The following PPP1R13B variants were observed in gnomAD, a reference collection of about 807,000 sequenced individuals.
PPP1R13B encodes the protein apoptosis-stimulating of p53 protein 1.
A neutral mutation model predicts 119.8 loss-of-function variants in PPP1R13B; 44 were observed. That is an observed-to-expected ratio of 0.37 (90% CI 0.29 to 0.47). The LOEUF (loss-of-function observed/expected upper bound fraction) is 0.47. Among genes scored for constraint, PPP1R13B ranks in the 20% least tolerant of loss-of-function variants. The pLI is 0.99. For synonymous variants in PPP1R13B, 542 were observed against 561.5 expected, an observed-to-expected ratio of 0.97 and a Z score of 0.49; for missense variants, 1,227 against 1,413.5, an observed-to-expected ratio of 0.87 and a Z score of 2.12.
chr14:103,815,100 G>T (rs781530439), intron 1 of PPP1R13B, among the ~76,000 whole-genome samples: 13 of 152,148 alleles, frequency 8.5e-5, no homozygotes, highest in Non-Finnish European at 1.6e-4. Context: ...AATATTATTT[G>T]ACCATAAAAA....
At chr14:103,831,871 G>C (rs1288796695) in intron 1 of PPP1R13B, among the ~76,000 whole-genome samples, 1 of 152,002 alleles carries the variant, frequency 6.6e-6, no homozygotes, top group Non-Finnish European at 1.5e-5. Context: ...GGGAGGCGGA[G>C]GTTGCAGTGA....
chr14:103,835,054 TAAG>T (rs938503692), intron 1 of PPP1R13B, among the ~76,000 whole-genome samples: 8 of 152,352 alleles, frequency 5.3e-5, no homozygotes, highest in South Asian at 2.1e-4. Context: ...TCTTGTTTGC[TAAG>T]AAGAAGCCTC....
At chr14:103,847,112 C>G in intron 1 of PPP1R13B, 187 bp downstream of exon 1, 2 of 984,882 alleles carry the variant, frequency 2.0e-6, no homozygotes, top group Non-Finnish European at 2.4e-6. Context: ...CCCGCGCTGA[C>G]AGCCCGGCGC....
chr14:103,785,416 C>T (rs2085437898), intron 2 of PPP1R13B, among the ~76,000 whole-genome samples: 1 of 152,048 alleles, frequency 6.6e-6, no homozygotes, highest in Non-Finnish European at 1.5e-5. Flanking sequence ...GAGGGTTTCA[C>T]CATGTTAGCC....
At position 103,734,417 on chromosome 14, in the gene PPP1R13B, C is replaced by A; in HGVS notation, c.*737G>T. The A allele has an allele frequency of 2.3e-6, 1 of 425,790 alleles. No individual in the cohort carries two copies. The highest frequency in any genetic ancestry group is 1.7e-5 in the South Asian group (1 of 59,176). The allele number at this position is 425,790 out of a possible 1,614,324, so 26.4% of individuals were successfully genotyped here. ...TGAGCTTGCAGGGGTGAGAACCACA[C>A]TGAGCAGCATGACAGGCTGTGAGAT... On this transcript the variant is annotated 3_prime_UTR_variant, in exon 17 of 17. Coordinates refer to ENST00000202556, the MANE Select transcript of PPP1R13B (RefSeq NM_015316.3).
At chr14:103,845,591 G>A (rs1294148504) in intron 1 of PPP1R13B, among the ~76,000 whole-genome samples, 1 of 152,080 alleles carries the variant, frequency 6.6e-6, no homozygotes, top group East Asian at 1.9e-4. Context: ...CTACTCCCGT[G>A]GAATAGAGGT....
intron 9 of PPP1R13B, among the ~76,000 whole-genome samples, chr14:103,745,527 C>CA (rs1170893197): frequency 6.6e-6 from 1 of 152,248 alleles, no homozygotes; most frequent in East Asian, 1.9e-4. Flanking sequence ...GGTTGAGAAA[C>CA]AGACTCTCCA....
chr14:103,765,389 G>C (rs1245433892), intron 4 of PPP1R13B, among the ~76,000 whole-genome samples: 1 of 152,060 alleles, frequency 6.6e-6, no homozygotes, highest in East Asian at 1.9e-4. Flanking sequence ...TTAGTTTATA[G>C]GAGAACACAC....
rs572717954 is a variant in PPP1R13B at position 103,836,326 on chromosome 14, G to A, written c.9+10973C>T. 3.4e-4 allele frequency among the ~76,000 whole-genome samples: 51 copies of A among 152,040 alleles called. No homozygotes were observed. The South Asian group carries it at 9.8e-3, about 29-fold the overall frequency. The stretch of plus-strand genomic sequence containing the variant: ...CTCCCAAAGTGCTGAGATTACAGGC[G>A]TGAACCACCATGCCCAGCCCCTAAC... On this transcript the variant is annotated intron_variant, in intron 1 of 16. Transcript: ENST00000202556.
intron 2 of PPP1R13B, among the ~76,000 whole-genome samples, chr14:103,793,301 CCCA>C (rs2085673959): frequency 6.6e-6 from 1 of 152,092 alleles, no homozygotes; most frequent in Admixed American, 6.6e-5. Flanking sequence ...CCCCATAATC[CCCA>C]CATGTCAAGG....
rs754593527 is a variant in PPP1R13B at position 103,738,670 on chromosome 14, G to A, written c.2864+9C>T. 1.4e-5 allele frequency: 23 copies of A among 1,614,008 alleles called. No individual in the cohort carries two copies. The highest frequency in any genetic ancestry group is 8.9e-5 in the East Asian group (4 of 44,878). On this transcript the variant is annotated intron_variant, in intron 14 of 16. Coordinates refer to ENST00000202556, the MANE Select transcript of PPP1R13B (RefSeq NM_015316.3). This position sits in a 1 kb window ranked among gnomAD's most constrained non-coding sequence, Gnocchi z 5.6. ...AAATCTGTCCACCCCACACTCCTAC[G>A]GGCCTCACCATCCATCACTATCAGC...
At position 103,738,735 on chromosome 14, in the gene PPP1R13B, G is replaced by C. The variant is rs375642844; in HGVS notation, c.2808C>G (p.Ile936Met). 2 of 1,614,118 alleles carry C rather than the reference G, an allele frequency of 1.2e-6. No individual in the cohort carries two copies. The highest frequency in any genetic ancestry group is 8.5e-7 in the Non-Finnish European group (1 of 1,180,056). ...HNAVCAGHHH[I>M]VKFLLDFGVN... ...CACCAAAATCCAGCAGGAACTTCACGATGTGATGGTGGCCGGCGCAGACGG... is the reference window on the plus strand; with the variant it reads ...CACCAAAATCCAGCAGGAACTTCACCATGTGATGGTGGCCGGCGCAGACGG... The change falls in exon 14 of 17, where the codon ATC becomes ATG. Residue 936 changes from isoleucine (I) to methionine (M), a missense_variant. Ile to Met is a conservative substitution (Grantham distance 10). Transcript: ENST00000202556. This position sits in a 1 kb window ranked among gnomAD's most constrained non-coding sequence, Gnocchi z 5.6.
At chr14:103,781,934 G>A (rs2085346096) in intron 3 of PPP1R13B, among the ~76,000 whole-genome samples, 1 of 152,194 alleles carries the variant, frequency 6.6e-6, no homozygotes, top group Non-Finnish European at 1.5e-5. Flanking sequence ...TTACAGGCAT[G>A]AGCCACCGCG....
At position 103,736,429 on chromosome 14, in the gene PPP1R13B, G is replaced by C. The variant is rs539675854; in HGVS notation, c.3032-227C>G. 14 of 589,910 alleles carry C rather than the reference G, an allele frequency of 2.4e-5. No individual in the cohort carries two copies. The South Asian group carries it at 2.8e-4, about 12-fold the overall frequency. The allele number at this position is 589,910 out of a possible 1,614,324, so 36.5% of individuals were successfully genotyped here. A position where few individuals can be genotyped will look rare whatever the true frequency, so the allele number is the denominator to read the frequency against. The stretch of plus-strand genomic sequence containing the variant: ...CTGCCGGCCCTTTCTAAGTCCTGCA[G>C]GACAGACAGGACAAACGAGCTCCTG... On this transcript the variant is annotated intron_variant, in intron 15 of 16. Coordinates refer to ENST00000202556, the MANE Select transcript of PPP1R13B (RefSeq NM_015316.3).
chr14:103,772,365 G>C (rs1182108408), intron 4 of PPP1R13B, among the ~76,000 whole-genome samples: 3 of 152,218 alleles, frequency 2.0e-5, no homozygotes, highest in South Asian at 4.1e-4. Flanking sequence ...TTTAAGAGTA[G>C]AGTTGTTGGG....
chr14:103,833,933 T>G (rs1401995658), intron 1 of PPP1R13B, among the ~76,000 whole-genome samples: 1 of 152,238 alleles, frequency 6.6e-6, no homozygotes, highest in Non-Finnish European at 1.5e-5. Flanking sequence ...AAAGGCATGC[T>G]GAGTTCCTTC....
At chr14:103,845,512 G>T (rs1442895931) in intron 1 of PPP1R13B, among the ~76,000 whole-genome samples, 1 of 152,074 alleles carries the variant, frequency 6.6e-6, no homozygotes, top group Admixed American at 6.6e-5. Flanking sequence ...GAAATCCGAA[G>T]AAATGCCCCA....
At chr14:103,735,495 T>A (rs2084082844) in intron 16 of PPP1R13B, among the ~76,000 whole-genome samples, 1 of 152,216 alleles carries the variant, frequency 6.6e-6, no homozygotes. Flanking sequence ...CCTGGCTCCC[T>A]GCTGTGTTTG....
Position 103,751,522 on chromosome 14 carries a change from T to C in PPP1R13B, c.828+1478A>G, listed in dbSNP as rs183555968. Among the ~76,000 whole-genome samples the C allele has an allele frequency of 1.3e-3, 202 of 152,292 alleles. 1 individual carries two copies. The highest frequency in any genetic ancestry group is 4.7e-3 in the African/African-American group (196 of 41,552). On this transcript the variant is annotated intron_variant, in intron 7 of 16. Coordinates refer to ENST00000202556, the MANE Select transcript of PPP1R13B (RefSeq NM_015316.3). ...TTCTGAGACATGAAAATCTTAAGGA[T>C]TGTTAAGGACTGAATGTGTCCCCCA...
Sources: allele counts gnomAD v4.1 joint callset (sites outside exome capture counted in the v4.1 genomes callset), GRCh38; gene constraint gnomAD v4.1.1; non-coding constraint Gnocchi (gnomAD v3.1); transcripts MANE v1.5; gene names NCBI Gene and HGNC (gene_info 2026-07-23, HGNC 2026-07-21).